The following DLGAP2 variants were observed in gnomAD, a reference collection of about 807,000 sequenced individuals.
DLGAP2 encodes disks large-associated protein 2.
DLGAP2 carries 26 observed loss-of-function variants against 100.3 expected under a neutral mutation model. That is an observed-to-expected ratio of 0.26 (90% CI 0.19 to 0.36). DLGAP2 has a LOEUF of 0.36. Among genes scored for constraint, DLGAP2 ranks in the 10% least tolerant of loss-of-function variants. The pLI, the probability that DLGAP2 is intolerant of heterozygous loss-of-function variation, is 1.00. For missense variants in DLGAP2, 1,858 were observed against 1,453.2 expected, an observed-to-expected ratio of 1.28 and a Z score of -4.53; for synonymous variants, 886 against 630.1, an observed-to-expected ratio of 1.41 and a Z score of -6.08.
intron 2 of DLGAP2, among the ~76,000 whole-genome samples, chr8:999,859 G>C (rs1260508130): frequency 1.3e-5 from 2 of 152,198 alleles, no homozygotes; most frequent in African/African-American, 4.8e-5. Context: ...TCATTTTCAA[G>C]TTCTTGCCCT....
At chr8:1,103,281 A>G (rs570196505) in intron 2 of DLGAP2, among the ~76,000 whole-genome samples, 1 of 152,290 alleles carries the variant, frequency 6.6e-6, no homozygotes, top group East Asian at 1.9e-4. Context: ...TGGACCCACC[A>G]TGCTGAAACT....
At chr8:1,205,050 C>A (rs571880809) in intron 2 of DLGAP2, among the ~76,000 whole-genome samples, 1 of 152,178 alleles carries the variant, frequency 6.6e-6, no homozygotes, top group Admixed American at 6.5e-5. Flanking sequence ...CTGGTCTCTG[C>A]ATCATGGGGA....
Position 1,424,763 on chromosome 8 carries a change from G to C in DLGAP2, c.107-76603G>C, listed in dbSNP as rs143694277. Among the ~76,000 whole-genome samples the C allele has an allele frequency of 4.7e-3, 713 of 152,344 alleles. 5 individuals carry two copies. The highest frequency in any genetic ancestry group is 7.4e-3 in the Non-Finnish European group (503 of 68,030). ...TTACACGCAGCACCTGGAGAAGTCA[G>C]ATGCACAGACAGAAGGCCGAATAGG... On this transcript the variant is annotated intron_variant, in intron 3 of 14. Transcript: ENST00000637795.
At chr8:885,324 C>T (rs1485675576) in intron 1 of DLGAP2, among the ~76,000 whole-genome samples, 2 of 152,120 alleles carry the variant, frequency 1.3e-5, no homozygotes, top group Non-Finnish European at 2.9e-5. Flanking sequence ...AGTACTTCTC[C>T]TTGAAGAGGT....
intron 2 of DLGAP2, among the ~76,000 whole-genome samples, chr8:1,032,282 C>T (rs1801997793): frequency 6.6e-6 from 1 of 152,200 alleles, no homozygotes; most frequent in South Asian, 2.1e-4. Context: ...CAGTGGGCGG[C>T]CGGCGGGCAG....
At chr8:1,192,663 CT>C (rs200041273) in intron 2 of DLGAP2, among the ~76,000 whole-genome samples, 5,939 of 138,036 alleles carry the variant, frequency 0.043, 135 homozygotes, top group African/African-American at 0.055. Context: ...TATCTGGTTT[CT>C]TTTTTTTTTT....
chr8:1,187,702 G>T (rs1295561840), intron 2 of DLGAP2, among the ~76,000 whole-genome samples: 1 of 140,482 alleles, frequency 7.1e-6, no homozygotes, highest in Non-Finnish European at 1.5e-5. Flanking sequence ...CAGGACCTCT[G>T]TGACGTTTCC....
intron 6 of DLGAP2, among the ~76,000 whole-genome samples, chr8:1,576,294 C>T (rs774819860): frequency 3.5e-4 from 54 of 152,244 alleles, no homozygotes; most frequent in East Asian, 2.5e-3. Context: ...TCATGTCCTT[C>T]GCCCACTTGT....
intron 3 of DLGAP2, among the ~76,000 whole-genome samples, chr8:1,481,864 T>C (rs929855385): frequency 3.3e-5 from 5 of 152,192 alleles, no homozygotes; most frequent in African/African-American, 1.2e-4. Flanking sequence ...ACTAAACTCA[T>C]GTCAGGGCAC....
At chr8:1,239,894 G>T (rs1462913297) in intron 2 of DLGAP2, among the ~76,000 whole-genome samples, 4 of 106,140 alleles carry the variant, frequency 3.8e-5, no homozygotes, top group African/African-American at 1.6e-4. Flanking sequence ...TCTCTCACAT[G>T]GTGCCATGTC....
chr8:915,935 ACT>A (rs1189687469), intron 2 of DLGAP2, among the ~76,000 whole-genome samples: 1 of 102,768 alleles, frequency 9.7e-6, no homozygotes, highest in Non-Finnish European at 2.0e-5. Flanking sequence ...CACTCTCCGC[ACT>A]CTCTTTTTTC....
chr8:851,761 C>A (rs1585931742), intron 1 of DLGAP2, among the ~76,000 whole-genome samples: 1 of 152,154 alleles, frequency 6.6e-6, no homozygotes, highest in Non-Finnish European at 1.5e-5. Flanking sequence ...TTCACGGAGA[C>A]CACGCCACGT....
At chr8:1,616,836 C>T (rs945359022) in intron 6 of DLGAP2, among the ~76,000 whole-genome samples, 20 of 151,992 alleles carry the variant, frequency 1.3e-4, no homozygotes, top group African/African-American at 4.6e-4. Flanking sequence ...TTTCGTCATC[C>T]AGGTAATAAG....
intron 3 of DLGAP2, among the ~76,000 whole-genome samples, chr8:1,446,367 A>C (rs547062349): frequency 3.3e-5 from 5 of 151,552 alleles, no homozygotes; most frequent in Admixed American, 6.6e-5. Context: ...CCCATTGCTT[A>C]TTTTTGTCAG....
chr8:1,197,937 C>A (rs1304073552), intron 2 of DLGAP2, among the ~76,000 whole-genome samples: 1 of 152,178 alleles, frequency 6.6e-6, no homozygotes, highest in Non-Finnish European at 1.5e-5. Context: ...CAGAACTGGC[C>A]CACATGTGCA....
chr8:1,380,333 C>T (rs1000370149), intron 3 of DLGAP2: 1 of 152,208 alleles, frequency 6.6e-6, no homozygotes, highest in Non-Finnish European at 1.5e-5. Context: ...CGCAAATTAC[C>T]TGCACCTGGT....
At chr8:975,973 A>C (rs1800152358) in intron 2 of DLGAP2, among the ~76,000 whole-genome samples, 1 of 152,202 alleles carries the variant, frequency 6.6e-6, no homozygotes. Flanking sequence ...AATTACCCTG[A>C]AACCAATAAA....
chr8:779,346 C>G (rs928592527), intron 1 of DLGAP2, among the ~76,000 whole-genome samples: 2 of 152,114 alleles, frequency 1.3e-5, no homozygotes, highest in Non-Finnish European at 2.9e-5. Flanking sequence ...TGTTCCTATT[C>G]GGCCATCTTG....
chr8:1,548,694 A>G lies in DLGAP2; in HGVS notation c.241A>G (p.Met81Val). Residue 81 changes from methionine (M) to valine (V), a missense_variant, in exon 5 of 15, where the codon ATG becomes GTG. By Grantham distance (21) the Met-to-Val change is conservative. Coordinates refer to ENST00000637795, the MANE Select transcript of DLGAP2 (RefSeq NM_001346810.2). ...GCGCTACTCGCCCGCGCCCAGGAGC[A>G]TGAAGGGCCTTTCCGGAAGTCGGAC... ...EERYSPAPRS[M>V]KGLSGSRTQP... 6.2e-7 allele frequency: 1 copy of G among 1,606,952 alleles called. No individual in the cohort carries two copies. The highest frequency in any genetic ancestry group is 8.5e-7 in the Non-Finnish European group (1 of 1,177,922).
Sources: allele counts gnomAD v4.1 joint callset (sites outside exome capture counted in the v4.1 genomes callset), GRCh38; gene constraint gnomAD v4.1.1; transcripts MANE v1.5; gene names NCBI Gene and HGNC (gene_info 2026-07-23, HGNC 2026-07-21).